Variants in HACE1 observed in about 807,000 individuals in gnomAD.
The protein encoded by HACE1 is HECT domain and ankyrin repeat containing E3 ubiquitin protein ligase 1, also known as E3 ubiquitin-protein ligase HACE1.
In HACE1, 73 loss-of-function variants were observed where a neutral mutation model predicts 118.4. The ratio of observed to expected loss-of-function variants is 0.62; its 90% CI spans 0.51 to 0.75. HACE1 has a LOEUF of 0.75. Ranked by LOEUF, HACE1 falls within the 30% of genes least tolerant of loss-of-function variation. The pLI, the probability that HACE1 is intolerant of heterozygous loss-of-function variation, is 0.00. For synonymous variants in HACE1, 368 were observed against 374.8 expected, an observed-to-expected ratio of 0.98 and a Z score of 0.21; for missense variants, 749 against 1,102.2, an observed-to-expected ratio of 0.68 and a Z score of 4.54.
chr6:104,849,042 G>A lies in HACE1; in HGVS notation c.326+100C>T. On this transcript the variant is annotated intron_variant, in intron 4 of 23. Coordinates refer to ENST00000262903, the MANE Select transcript of HACE1 (RefSeq NM_020771.4). ...GCACCATTATTTTAGTTTTTCCCAA[G>A]GTAAATATCAGGGATGCGGGAGGAA... 4.0e-6 allele frequency: 3 copies of A among 756,132 alleles called. No homozygotes were observed. The East Asian group carries it at 7.6e-5, about 19-fold the overall frequency. The allele number at this position is 756,132 out of a possible 1,614,324, so 46.8% of individuals were successfully genotyped here. A position where few individuals can be genotyped will look rare whatever the true frequency, so the allele number is the denominator to read the frequency against.
At chr6:104,739,097 A>G (rs1314111756) in intron 22 of HACE1, among the ~76,000 whole-genome samples, 1 of 151,864 alleles carries the variant, frequency 6.6e-6, no homozygotes, top group Non-Finnish European at 1.5e-5. Context: ...GAAATAAAAT[A>G]CTTTACAGAC....
chr6:104,856,586 C>CA (rs1408492283), intron 1 of HACE1, among the ~76,000 whole-genome samples: 3 of 152,118 alleles, frequency 2.0e-5, no homozygotes, highest in African/African-American at 7.2e-5. Flanking sequence ...AGGCACCCGC[C>CA]ACCACATCCA....
chr6:104,818,834 G>A (rs910377512), intron 6 of HACE1, among the ~76,000 whole-genome samples: 10 of 151,288 alleles, frequency 6.6e-5, no homozygotes, highest in Admixed American at 5.9e-4. Flanking sequence ...ATTCAACATC[G>A]ATTTATGTTT....
At chr6:104,838,243 T>A (rs1413358497) in intron 5 of HACE1, among the ~76,000 whole-genome samples, 1 of 152,144 alleles carries the variant, frequency 6.6e-6, no homozygotes, top group Non-Finnish European at 1.5e-5. Flanking sequence ...AGATCTAGAA[T>A]AGCAAAAGCC....
At chr6:104,822,522 C>T (rs553459543) in intron 6 of HACE1, among the ~76,000 whole-genome samples, 11 of 151,888 alleles carry the variant, frequency 7.2e-5, no homozygotes, top group East Asian at 3.9e-4. Flanking sequence ...CACTACGCTC[C>T]GGCCGGTTCA....
chr6:104,758,197 A>C (rs1275641645), intron 19 of HACE1, among the ~76,000 whole-genome samples: 1 of 152,182 alleles, frequency 6.6e-6, no homozygotes, highest in Non-Finnish European at 1.5e-5. Flanking sequence ...AATACAGAGA[A>C]CACCACAAAG....
chr6:104,793,492 GC>G (rs1783286203), intron 10 of HACE1, among the ~76,000 whole-genome samples: 2 of 151,972 alleles, frequency 1.3e-5, no homozygotes, highest in Admixed American at 1.3e-4. Flanking sequence ...ATGTGCAAAC[GC>G]CTCAGTAAAT....
At chr6:104,763,234 A>C (rs1482908975) in intron 19 of HACE1, among the ~76,000 whole-genome samples, 1 of 152,164 alleles carries the variant, frequency 6.6e-6, no homozygotes, top group Non-Finnish European at 1.5e-5. Context: ...ACTCAACATG[A>C]AAAAACTGTA....
intron 1 of HACE1, among the ~76,000 whole-genome samples, chr6:104,857,155 A>T (rs902514313): frequency 6.8e-6 from 1 of 148,088 alleles, no homozygotes; most frequent in Non-Finnish European, 1.5e-5. Context: ...TTATATATAT[A>T]TTTACATATA....
rs937175126 is a variant in HACE1 at position 104,845,786 on chromosome 6, T to C, written c.327-2488A>G. ...GCCACCACACCCAGCCAACTCTGGG[T>C]AAACTTTTAAGATAAAACATTTACA... On this transcript the variant is annotated intron_variant, in intron 4 of 23. Transcript: ENST00000262903. The C allele has an allele frequency of 3.9e-5, 6 of 152,214 alleles. No individual in the cohort carries two copies. The South Asian group carries it at 1.0e-3, about 26-fold the overall frequency. The allele number at this position is 152,214 out of a possible 1,614,324, so 9.4% of individuals were successfully genotyped here.
At chr6:104,856,496 G>A (rs1393980539) in intron 1 of HACE1, among the ~76,000 whole-genome samples, 5 of 151,714 alleles carry the variant, frequency 3.3e-5, no homozygotes, top group South Asian at 4.2e-4. Flanking sequence ...ATGCAGTGGC[G>A]CGATCTTGGC....
chr6:104,794,044 C>G (rs1481477155), intron 10 of HACE1, among the ~76,000 whole-genome samples: 1 of 152,128 alleles, frequency 6.6e-6, no homozygotes, highest in Non-Finnish European at 1.5e-5. Flanking sequence ...TTTTTAGAAG[C>G]TAGATTAGAA....
chr6:104,777,138 C>T (rs749091292), intron 15 of HACE1, 28 bp from the exon 16 acceptor site: 3 of 1,556,364 alleles, frequency 1.9e-6, no homozygotes, highest in Admixed American at 1.7e-5. Flanking sequence ...GTTAATTTTA[C>T]ATATTAAAAT....
chr6:104,735,058 T>G (rs2114397018), intron 22 of HACE1, among the ~76,000 whole-genome samples: 1 of 152,080 alleles, frequency 6.6e-6, no homozygotes, highest in East Asian at 1.9e-4. Flanking sequence ...ATATATAAAA[T>G]CTTAGGAGTA....
At chr6:104,730,462 T>C (rs765381337) in intron 22 of HACE1, 46 bp from the exon 23 acceptor site, 1 of 929,956 alleles carries the variant, frequency 1.1e-6, no homozygotes, top group Non-Finnish European at 1.8e-6. Flanking sequence ...AAGAAAGATA[T>C]TTGTGACAGA....
At chr6:104,835,840 C>G (rs1774479569) in intron 5 of HACE1, among the ~76,000 whole-genome samples, 2 of 152,152 alleles carry the variant, frequency 1.3e-5, no homozygotes. Flanking sequence ...AAAATCAAAA[C>G]AGGTTTCATA....
intron 6 of HACE1, among the ~76,000 whole-genome samples, chr6:104,828,761 A>G (rs974208605): frequency 6.6e-6 from 1 of 152,062 alleles, no homozygotes; most frequent in African/African-American, 2.4e-5. Flanking sequence ...CATATTTAAG[A>G]TTACTCAAGT....
intron 14 of HACE1, among the ~76,000 whole-genome samples, chr6:104,778,313 C>G (rs1297562360): frequency 6.6e-6 from 1 of 151,948 alleles, no homozygotes; most frequent in African/African-American, 2.4e-5. Context: ...AGTAAAAACT[C>G]CAAGAACTTG....
At chr6:104,803,259 A>G (rs987351964) in intron 7 of HACE1, among the ~76,000 whole-genome samples, 3 of 152,190 alleles carry the variant, frequency 2.0e-5, no homozygotes, top group Admixed American at 6.5e-5. Context: ...ATTCTACCAG[A>G]GGTACAAAAA....
Sources: allele counts gnomAD v4.1 joint callset (sites outside exome capture counted in the v4.1 genomes callset), GRCh38; gene constraint gnomAD v4.1.1; transcripts MANE v1.5; gene names NCBI Gene and HGNC (gene_info 2026-07-23, HGNC 2026-07-21).